Variants in VTI1A observed in about 807,000 individuals in gnomAD.
The protein encoded by VTI1A is vesicle transport through interaction with t-SNAREs 1A, also known as vesicle transport through interaction with t-SNAREs homolog 1A.
A neutral mutation model predicts 34.9 loss-of-function variants in VTI1A; 22 were observed. The observed-to-expected ratio is 0.63, with a 90% CI of 0.45 to 0.90. VTI1A has a LOEUF of 0.90. VTI1A is among the 40% of genes least tolerant of loss of function. The probability of loss-of-function intolerance (pLI) is 0.00; values close to 1 mark genes in which losing one functional copy is unlikely to be tolerated. For missense variants in VTI1A, 268 were observed against 275.6 expected, an observed-to-expected ratio of 0.97 and a Z score of 0.20; for synonymous variants, 87 against 97.3, an observed-to-expected ratio of 0.89 and a Z score of 0.62.
chr10:112,583,316 C>T lies in VTI1A; in HGVS notation c.427+44986C>T, dbSNP rs372024279. ...GTCTTCTTTTTCATTTTCTCAGGTC[C>T]CTAAGTTTGATTTTAGAAAACCCTC... is the stretch of plus-strand genomic sequence containing the variant. On this transcript the variant is annotated intron_variant, in intron 5 of 7. Transcript: ENST00000393077. 7.2e-5 allele frequency among the ~76,000 whole-genome samples: 11 copies of T among 152,186 alleles called. No individual in the cohort carries two copies. The East Asian group carries it at 1.9e-3, about 27-fold the overall frequency.
rs1851133053 is a variant in VTI1A, at chr10:112,752,350, C to T, written c.561-62940C>T. On this transcript the variant is annotated intron_variant, in intron 7 of 7. Transcript: ENST00000393077. ...TCCTCTGATCCCCCTCTGTCTTTTC[C>T]AGGTTTGTGCTATTCTGATTACATT... 3.0e-6 allele frequency: 3 copies of T among 985,166 alleles called. No homozygotes were observed. The African/African-American group carries it at 5.2e-5, about 17-fold the overall frequency. The allele number at this position is 985,166 out of a possible 1,614,324, so 61.0% of individuals were successfully genotyped here. A position where few individuals can be genotyped will look rare whatever the true frequency, so the allele number is the denominator to read the frequency against.
intron 5 of VTI1A, among the ~76,000 whole-genome samples, chr10:112,596,470 G>A (rs1844651201): frequency 6.6e-6 from 1 of 152,060 alleles, no homozygotes; most frequent in Non-Finnish European, 1.5e-5. Flanking sequence ...ACATTTTGGG[G>A]TTTTTAAAAC....
At chr10:112,514,179 A>G (rs552462816) in intron 3 of VTI1A, among the ~76,000 whole-genome samples, 42 of 151,898 alleles carry the variant, frequency 2.8e-4, no homozygotes, top group African/African-American at 9.4e-4. Context: ...TACTTATTCA[A>G]TCTTCTTACT....
chr10:112,517,045 C>T (rs1379968510), intron 3 of VTI1A, among the ~76,000 whole-genome samples: 2 of 152,026 alleles, frequency 1.3e-5, no homozygotes, highest in African/African-American at 4.8e-5. Context: ...TGAATGAGAT[C>T]ACTCAGATGA....
chr10:112,809,788 G>C (rs895272670), intron 7 of VTI1A, among the ~76,000 whole-genome samples: 8 of 152,154 alleles, frequency 5.3e-5, no homozygotes, highest in African/African-American at 1.9e-4. Context: ...GGATACAAAA[G>C]ACAAAAGAAA....
At chr10:112,800,668 G>A (rs1852846958) in intron 7 of VTI1A, among the ~76,000 whole-genome samples, 1 of 152,154 alleles carries the variant, frequency 6.6e-6, no homozygotes, top group African/African-American at 2.4e-5. Flanking sequence ...TTGATTCTTT[G>A]GAGCGTGCCA....
intron 7 of VTI1A, among the ~76,000 whole-genome samples, chr10:112,784,124 A>T (rs2134043445): frequency 6.6e-6 from 1 of 152,324 alleles, no homozygotes; most frequent in Middle Eastern, 3.4e-3. Flanking sequence ...TTTTTTTATC[A>T]GTTCAGACCT....
At chr10:112,487,298 A>G (rs2134114523) in intron 3 of VTI1A, among the ~76,000 whole-genome samples, 1 of 152,044 alleles carries the variant, frequency 6.6e-6, no homozygotes, top group Non-Finnish European at 1.5e-5. Context: ...TCATTTTTGT[A>G]TTTTTAGTAG....
intron 7 of VTI1A, among the ~76,000 whole-genome samples, chr10:112,778,133 A>G (rs909317816): frequency 1.3e-5 from 2 of 152,124 alleles, no homozygotes; most frequent in African/African-American, 4.8e-5. Flanking sequence ...TGTATTGGTG[A>G]TAGCAAGTTC....
At chr10:112,580,819 G>A (rs547950128) in intron 5 of VTI1A, among the ~76,000 whole-genome samples, 2 of 152,238 alleles carry the variant, frequency 1.3e-5, no homozygotes, top group South Asian at 2.1e-4. Flanking sequence ...GAATGTGGGA[G>A]TCTGGTTGAC....
chr10:112,616,866 G>C (rs925654764), intron 5 of VTI1A, among the ~76,000 whole-genome samples: 4 of 152,264 alleles, frequency 2.6e-5, no homozygotes, highest in Admixed American at 2.0e-4. Flanking sequence ...GAATGCAACA[G>C]AGAGAGAAAA....
chr10:112,568,027 A>T (rs1255254107), intron 5 of VTI1A, among the ~76,000 whole-genome samples: 1 of 152,214 alleles, frequency 6.6e-6, no homozygotes, highest in African/African-American at 2.4e-5. Flanking sequence ...ATCTCACTTA[A>T]AACAAGACTA....
rs372450901 is a variant in VTI1A, at chr10:112,657,103, A to G, written c.428-11115A>G. Reference sequence around the variant, plus strand: ...GAAGAAGCCACTATGCTTCCTGTTCAGCCTGCAGAACTGTGAGACAGTTAA... The same window carrying G: ...GAAGAAGCCACTATGCTTCCTGTTCGGCCTGCAGAACTGTGAGACAGTTAA... On this transcript the variant is annotated intron_variant, in intron 5 of 7. Transcript: ENST00000393077. Among the ~76,000 whole-genome samples, 4 of 152,230 alleles carry G rather than the reference A, an allele frequency of 2.6e-5. No homozygotes were observed. In the East Asian group the frequency reaches 7.7e-4, roughly 29 times the overall value.
the VTI1A span, among the ~76,000 whole-genome samples, chr10:112,846,720 C>T: frequency 1.6e-3 from 245 of 149,038 alleles, no homozygotes; most frequent in African/African-American, 5.5e-3. Context: ...GAGCCGAGAT[C>T]GCGCCACTGC....
intron 3 of VTI1A, among the ~76,000 whole-genome samples, chr10:112,491,778 G>C (rs1488239011): frequency 6.6e-6 from 1 of 152,118 alleles, no homozygotes; most frequent in Non-Finnish European, 1.5e-5. Context: ...ATCACATGTG[G>C]ATGGTAACTA....
intron 1 of VTI1A, among the ~76,000 whole-genome samples, chr10:112,451,566 A>C (rs2134012175): frequency 6.6e-6 from 1 of 152,178 alleles, no homozygotes; most frequent in East Asian, 1.9e-4. Context: ...TGGGCTTTGA[A>C]CTCAGGATCC....
intron 1 of VTI1A, chr10:112,449,327 A>G (rs1232032916): frequency 6.6e-6 from 1 of 152,244 alleles, no homozygotes; most frequent in Non-Finnish European, 1.5e-5. Flanking sequence ...TTACAAGGTA[A>G]CAAAATCATC....
intron 7 of VTI1A, among the ~76,000 whole-genome samples, chr10:112,806,409 C>G (rs1853081559): frequency 6.6e-6 from 1 of 151,940 alleles, no homozygotes; most frequent in Non-Finnish European, 1.5e-5. Flanking sequence ...CCTCAGACTC[C>G]CGAGGAGCTG....
chr10:112,484,104 G>A (rs957882764), intron 3 of VTI1A, among the ~76,000 whole-genome samples: 6 of 152,222 alleles, frequency 3.9e-5, no homozygotes, highest in Non-Finnish European at 7.3e-5. Context: ...TATAAACCAA[G>A]AGAGGCAGTG....
Sources: gnomAD v4.1 joint callset for allele counts (sites outside exome capture counted in the v4.1 genomes callset) on GRCh38, gnomAD v4.1.1 for gene constraint, MANE v1.5 for transcripts, NCBI Gene and HGNC (gene_info 2026-07-23, HGNC 2026-07-21) for gene names.